Variants in DLG1 observed in about 807,000 individuals in gnomAD.
The protein encoded by DLG1 is discs large MAGUK scaffold protein 1.
DLG1 carries 42 observed loss-of-function variants against 123.4 expected under a neutral mutation model. The ratio of observed to expected loss-of-function variants is 0.34; its 90% CI spans 0.27 to 0.44. The LOEUF (loss-of-function observed/expected upper bound fraction) is 0.44. Among genes scored for constraint, DLG1 ranks in the 20% least tolerant of loss-of-function variants. DLG1 has a pLI of 1.00. For synonymous variants in DLG1, 317 were observed against 356.2 expected, an observed-to-expected ratio of 0.89 and a Z score of 1.24; for missense variants, 942 against 1,082.6, an observed-to-expected ratio of 0.87 and a Z score of 1.82.
intron 24 of DLG1, among the ~76,000 whole-genome samples, chr3:197,049,600 A>G (rs1192738907): frequency 6.6e-6 from 1 of 152,164 alleles, no homozygotes; most frequent in Non-Finnish European, 1.5e-5. Flanking sequence ...TAAAAATACA[A>G]AATTAGCTGG....
At chr3:197,097,578 TTC>T (rs1405945220) in intron 14 of DLG1, among the ~76,000 whole-genome samples, 2 of 138,710 alleles carry the variant, frequency 1.4e-5, no homozygotes, top group East Asian at 2.9e-4. Context: ...TTTTTGTACT[TTC>T]TTTTTTTTTT....
chr3:197,171,152 A>G (rs1234554225), intron 5 of DLG1, among the ~76,000 whole-genome samples: 1 of 150,568 alleles, frequency 6.6e-6, no homozygotes, highest in Non-Finnish European at 1.5e-5. Flanking sequence ...AAGCTATTTA[A>G]AAGTAAGAGA....
At chr3:197,064,766 T>A (rs961239669) in intron 22 of DLG1, among the ~76,000 whole-genome samples, 1 of 152,126 alleles carries the variant, frequency 6.6e-6, no homozygotes, top group Admixed American at 6.5e-5. Flanking sequence ...ATAAAAAAAG[T>A]TTTTTAAAAA....
rs563331197 is a variant in DLG1, at chr3:197,149,245, T to C, written c.537+498A>G. Reference sequence around the variant, plus strand: ...ACACCCACCACCTGGCAACTGCTAATCTACTTTCAGTAACTATGGATTTAT... The same window carrying C: ...ACACCCACCACCTGGCAACTGCTAACCTACTTTCAGTAACTATGGATTTAT... On this transcript the variant is annotated intron_variant, in intron 6 of 24. Coordinates refer to ENST00000667157, the MANE Select transcript of DLG1 (RefSeq NM_001366207.1). Among the ~76,000 whole-genome samples the C allele has an allele frequency of 2.4e-4, 37 of 152,338 alleles. 1 individual carries two copies. The highest frequency in any genetic ancestry group is 6.2e-4 in the South Asian group (3 of 4,830).
intron 5 of DLG1, among the ~76,000 whole-genome samples, chr3:197,164,739 TAAAAAAA>T (rs145314765): frequency 1.5e-5 from 2 of 130,672 alleles, no homozygotes; most frequent in Non-Finnish European, 3.3e-5. Context: ...CCGTCTCTAC[TAAAAAAA>T]AAAAAAAAAG....
chr3:197,286,603 C>T lies in DLG1; in HGVS notation c.152-3758G>A, dbSNP rs184824007. 8.3e-4 allele frequency among the ~76,000 whole-genome samples: 127 copies of T among 152,156 alleles called. No homozygotes were observed. The Middle Eastern group carries it at 0.02, about 24-fold the overall frequency. On this transcript the variant is annotated intron_variant, in intron 3 of 24. Transcript: ENST00000667157. ...CTGTACAATACGGCAATAGTGGATA[C>T]GTGTCAAAGCAAAAAATGTGCACAT...
intron 23 of DLG1, among the ~76,000 whole-genome samples, chr3:197,059,630 T>C (rs1167391369): frequency 8.9e-5 from 2 of 22,460 alleles, no homozygotes; most frequent in Admixed American, 3.9e-4. Flanking sequence ...CGTACTTCAG[T>C]AGCCACTAGT....
At chr3:197,271,759 T>A (rs947847890) in intron 4 of DLG1, among the ~76,000 whole-genome samples, 2 of 152,334 alleles carry the variant, frequency 1.3e-5, no homozygotes, top group East Asian at 3.9e-4. Flanking sequence ...CAGAAGAATA[T>A]CTAACTATTC....
At chr3:197,196,720 A>G (rs189673288) in intron 4 of DLG1, among the ~76,000 whole-genome samples, 3 of 152,350 alleles carry the variant, frequency 2.0e-5, no homozygotes, top group East Asian at 3.9e-4. Flanking sequence ...AGTTAAACTG[A>G]CCAAAAATCT....
At chr3:197,093,240 C>G (rs1028318684) in intron 14 of DLG1, among the ~76,000 whole-genome samples, 11 of 152,204 alleles carry the variant, frequency 7.2e-5, no homozygotes, top group Admixed American at 1.3e-4. Flanking sequence ...CTCACTGCAA[C>G]CTCCGCCTTC....
At chr3:197,289,153 C>A (rs558664977) in intron 3 of DLG1, among the ~76,000 whole-genome samples, 1 of 152,130 alleles carries the variant, frequency 6.6e-6, no homozygotes, top group Non-Finnish European at 1.5e-5. Context: ...GGAAAAAAAA[C>A]AATTGTGCTG....
At chr3:197,252,941 T>TA (rs375275479) in intron 4 of DLG1, among the ~76,000 whole-genome samples, 12 of 151,678 alleles carry the variant, frequency 7.9e-5, no homozygotes, top group African/African-American at 1.9e-4. Flanking sequence ...TTTACCACAA[T>TA]AAAAAAAATA....
rs1777742059 is a variant in DLG1 at position 197,296,988 on chromosome 3, G to C, written c.19+198C>G. ...CTAACTGCCTCTCTTAATCACTAGAGAAATGTTAAGAAAGTTTAACAAACA... is the reference window on the plus strand; with the variant it reads ...CTAACTGCCTCTCTTAATCACTAGACAAATGTTAAGAAAGTTTAACAAACA... On this transcript the variant is annotated intron_variant, in intron 2 of 24. Transcript: ENST00000667157. The C allele has an allele frequency of 4.8e-6, 3 of 619,118 alleles. No homozygotes were observed. In the South Asian group the frequency reaches 6.0e-5, roughly 12 times the overall value. 38.4% of individuals were successfully genotyped at this position (619,118 alleles called of 1,614,324 possible).
intron 17 of DLG1, among the ~76,000 whole-genome samples, chr3:197,079,012 T>C (rs2149035263): frequency 6.6e-6 from 1 of 152,182 alleles, no homozygotes; most frequent in African/African-American, 2.4e-5. Context: ...GTATTAGTTG[T>C]ATCACATTTA....
chr3:197,129,107 G>A (rs1781235233), intron 11 of DLG1, among the ~76,000 whole-genome samples: 1 of 152,228 alleles, frequency 6.6e-6, no homozygotes, highest in African/African-American at 2.4e-5. Flanking sequence ...AAGCTTTGAA[G>A]TCAGGCACTG....
At chr3:197,144,031 T>C (rs1467302072) in intron 6 of DLG1, among the ~76,000 whole-genome samples, 1 of 152,216 alleles carries the variant, frequency 6.6e-6, no homozygotes, top group Non-Finnish European at 1.5e-5. Context: ...TCTATCTAAA[T>C]CAAATGTGGA....
intron 4 of DLG1, among the ~76,000 whole-genome samples, chr3:197,248,870 T>C (rs1387895012): frequency 2.6e-5 from 4 of 152,210 alleles, no homozygotes; most frequent in Non-Finnish European, 5.9e-5. Context: ...GGTGAAACCC[T>C]TTGTTTGAAG....
chr3:197,209,235 C>T (rs1270866998), intron 4 of DLG1, among the ~76,000 whole-genome samples: 1 of 146,184 alleles, frequency 6.8e-6, no homozygotes, highest in Non-Finnish European at 1.5e-5. Flanking sequence ...CATAAGAAAG[C>T]TAAAGTGCCT....
At chr3:197,238,867 T>G (rs1747392145) in intron 4 of DLG1, among the ~76,000 whole-genome samples, 2 of 152,100 alleles carry the variant, frequency 1.3e-5, no homozygotes, top group African/African-American at 4.8e-5. Flanking sequence ...TCTAAATGCT[T>G]ACATTACAAA....
Sources: gnomAD v4.1 joint callset for allele counts (sites outside exome capture counted in the v4.1 genomes callset) on GRCh38, gnomAD v4.1.1 for gene constraint, MANE v1.5 for transcripts, NCBI Gene and HGNC (gene_info 2026-07-23, HGNC 2026-07-21) for gene names.